Variants in PODXL2 observed in about 807,000 individuals in gnomAD.
The protein encoded by PODXL2 is podocalyxin like 2, also known as podocalyxin-like protein 2.
PODXL2 carries 17 observed loss-of-function variants against 53.4 expected under a neutral mutation model. The observed-to-expected ratio is 0.32, with a 90% CI of 0.22 to 0.48. PODXL2 has a LOEUF of 0.48. Among genes scored for constraint, PODXL2 ranks in the 20% least tolerant of loss-of-function variants. The pLI is 0.99. For synonymous variants in PODXL2, 311 were observed against 306.7 expected, an observed-to-expected ratio of 1.01 and a Z score of -0.15; for missense variants, 673 against 760.0, an observed-to-expected ratio of 0.89 and a Z score of 1.35.
intron 2 of PODXL2, among the ~76,000 whole-genome samples, chr3:127,640,830 A>G (rs1018984325): frequency 2.0e-5 from 3 of 152,246 alleles, no homozygotes; most frequent in African/African-American, 7.2e-5. Context: ...TCATAGGGAC[A>G]TTTTGTTTTC....
intron 2 of PODXL2, among the ~76,000 whole-genome samples, chr3:127,642,509 C>G (rs1288204097): frequency 9.9e-5 from 15 of 151,766 alleles, no homozygotes; most frequent in Non-Finnish European, 5.9e-5. Context: ...CACAGTGAGA[C>G]CAGGGAAGGG....
chr3:127,642,906 C>T (rs1193661616), intron 2 of PODXL2, among the ~76,000 whole-genome samples: 3 of 152,178 alleles, frequency 2.0e-5, no homozygotes, highest in Non-Finnish European at 4.4e-5. Context: ...AGTTTCCCAT[C>T]TAGGAAATGG....
Position 127,653,786 on chromosome 3 carries a change from A to T in PODXL2, c.350-6592A>T, listed in dbSNP as rs115089912. Among the ~76,000 whole-genome samples the T allele has an allele frequency of 1.6e-3, 239 of 152,328 alleles. 1 individual carries two copies. The highest frequency in any genetic ancestry group is 5.3e-3 in the African/African-American group (221 of 41,578). ...CACCCCTTGCTCGGACTCCCCCATTATTAACACTTTGCCGCAGTTGCTGTA... is the reference window on the plus strand; with the variant it reads ...CACCCCTTGCTCGGACTCCCCCATTTTTAACACTTTGCCGCAGTTGCTGTA... On this transcript the variant is annotated intron_variant, in intron 2 of 7. Transcript: ENST00000342480.
rs2074836860 is a variant in PODXL2 at position 127,671,454 on chromosome 3, C to A, written c.1446C>A (p.Ser482=). The change falls in exon 7 of 8, where the codon TCC becomes TCA. Residue 482 remains serine (S), a synonymous_variant. Transcript: ENST00000342480. ...SLEEIGIQNY[S]TTSSCQARAS... is the part of the protein sequence containing the mutation. ...CCTAGATTGGCATCCAGAACTATTC[C>A]ACAACCAGCAGCTGCCAGGCGCGGG... 3.1e-6 allele frequency: 5 copies of A among 1,614,052 alleles called. No homozygotes were observed. Among genetic ancestry groups the A allele is most frequent in the Admixed American group, 1.7e-5 (1 of 60,020 alleles).
At chr3:127,639,804 T>C (rs976270046) in intron 2 of PODXL2, among the ~76,000 whole-genome samples, 15 of 152,220 alleles carry the variant, frequency 9.9e-5, no homozygotes, top group African/African-American at 3.4e-4. Context: ...ATAAGTAATA[T>C]GACCCCCCTT....
intron 2 of PODXL2, among the ~76,000 whole-genome samples, chr3:127,649,811 C>G (rs990166521): frequency 2.2e-4 from 34 of 152,136 alleles, no homozygotes; most frequent in African/African-American, 2.4e-5. Flanking sequence ...GTGGTGGGTG[C>G]CTGTAATCCC....
chr3:127,668,011 G>A (rs566412997), intron 4 of PODXL2, among the ~76,000 whole-genome samples: 1 of 152,134 alleles, frequency 6.6e-6, no homozygotes, highest in Non-Finnish European at 1.5e-5. Flanking sequence ...CCAGCACCAT[G>A]CACTTGAGCA....
chr3:127,670,737 C>T (rs1031723450), intron 6 of PODXL2, among the ~76,000 whole-genome samples: 3 of 152,180 alleles, frequency 2.0e-5, no homozygotes, highest in African/African-American at 4.8e-5. Context: ...TGGTGGTGCT[C>T]GCCCTCCTGC....
intron 1 of PODXL2, among the ~76,000 whole-genome samples, chr3:127,630,429 AGT>A (rs2074536451): frequency 6.6e-6 from 1 of 152,096 alleles, no homozygotes; most frequent in South Asian, 2.1e-4. Flanking sequence ...TGCATGTAGG[AGT>A]GTGTATGTGC....
At chr3:127,649,807 G>T (rs1271021295) in intron 2 of PODXL2, among the ~76,000 whole-genome samples, 1 of 152,110 alleles carries the variant, frequency 6.6e-6, no homozygotes, top group South Asian at 2.1e-4. Flanking sequence ...TGTGGTGGTG[G>T]GTGCCTGTAA....
Position 127,672,260 on chromosome 3 carries a change from C to G in PODXL2, c.1606-8C>G, listed in dbSNP as rs2074852586. 1 of 1,541,602 alleles carries G rather than the reference C, an allele frequency of 6.5e-7. No individual in the cohort carries two copies. The highest frequency in any genetic ancestry group is 1.4e-5 in the African/African-American group (1 of 73,136). ...GCTCGCCCATGGCCTCTCCCCACCC[C>G]GCCTCAGTCGCACGGCGAGGAGCTG... On this transcript the variant is annotated splice_polypyrimidine_tract_variant and splice_region_variant and intron_variant, in intron 7 of 7. Coordinates refer to ENST00000342480, the MANE Select transcript of PODXL2 (RefSeq NM_015720.4).
intron 2 of PODXL2, among the ~76,000 whole-genome samples, chr3:127,656,941 C>T (rs763119079): frequency 1.1e-4 from 17 of 148,676 alleles, no homozygotes; most frequent in Middle Eastern, 3.3e-3. Flanking sequence ...CTTGGGAGGC[C>T]GAGGTGGGAG....
intron 4 of PODXL2, among the ~76,000 whole-genome samples, chr3:127,664,904 C>T (rs2074787297): frequency 6.6e-6 from 1 of 152,078 alleles, no homozygotes; most frequent in African/African-American, 2.4e-5. Context: ...TTATTAGTTT[C>T]TTTGCCAGAT....
chr3:127,670,745 T>G (rs554336749), intron 6 of PODXL2, among the ~76,000 whole-genome samples: 1 of 152,340 alleles, frequency 6.6e-6, no homozygotes, highest in Admixed American at 6.5e-5. Context: ...CTCGCCCTCC[T>G]GCTTCTCTCT....
chr3:127,668,594 C>A lies in PODXL2; in HGVS notation c.1360C>A (p.Gln454Lys). 1 of 1,530,144 alleles carries A rather than the reference C, an allele frequency of 6.5e-7. No individual in the cohort carries two copies. The allele number at this position is 1,530,144 out of a possible 1,614,324, so 94.8% of individuals were successfully genotyped here. A position where few individuals can be genotyped will look rare whatever the true frequency, so the allele number is the denominator to read the frequency against. Residue 454 changes from glutamine (Q) to lysine (K), a missense_variant, in exon 5 of 8, where the codon CAG becomes AAG. Transcript: ENST00000342480. ...QHLLMTLVGE[Q>K]GVVPTQDVLS... ...CCTTCTCATGACACTGGTGGGCGAG[C>A]AGGGTGAGCGAGGGCAGGTGATGGG...
intron 2 of PODXL2, among the ~76,000 whole-genome samples, chr3:127,657,107 T>C (rs941561812): frequency 2.0e-5 from 3 of 152,160 alleles, no homozygotes; most frequent in African/African-American, 7.2e-5. Context: ...GCAGATAAGT[T>C]AGTGGCTGAG....
At chr3:127,639,921 G>A (rs2074604077) in intron 2 of PODXL2, among the ~76,000 whole-genome samples, 1 of 152,200 alleles carries the variant, frequency 6.6e-6, no homozygotes, top group Non-Finnish European at 1.5e-5. Flanking sequence ...AAGCCCTGGG[G>A]CTCATTGTTT....
At chr3:127,654,177 C>G (rs2074707093) in intron 2 of PODXL2, among the ~76,000 whole-genome samples, 1 of 152,178 alleles carries the variant, frequency 6.6e-6, no homozygotes, top group Admixed American at 6.5e-5. Flanking sequence ...ACCCTCTAAT[C>G]TTTCTTTGTC....
rs1054160821 is a variant in PODXL2 at position 127,672,207 on chromosome 3, G to A, written c.1606-61G>A. The A allele has an allele frequency of 3.4e-4, 478 of 1,423,432 alleles. 2 individuals are homozygous for A. Among genetic ancestry groups the A allele is most frequent in the Middle Eastern group, 1.4e-3 (6 of 4,324 alleles). 88.2% of individuals were successfully genotyped at this position (1,423,432 alleles called of 1,614,324 possible). A position where few individuals can be genotyped will look rare whatever the true frequency, so the allele number is the denominator to read the frequency against. On this transcript the variant is annotated intron_variant, in intron 7 of 7. Coordinates refer to ENST00000342480, the MANE Select transcript of PODXL2 (RefSeq NM_015720.4). The stretch of plus-strand genomic sequence containing the variant: ...TGGGTGGGGTTGCACAGACGGCCGC[G>A]GGCCTGGCGCTGTCCGGGGGCTGGC...
Sources: gnomAD v4.1 joint callset for allele counts (sites outside exome capture counted in the v4.1 genomes callset) on GRCh38, gnomAD v4.1.1 for gene constraint, MANE v1.5 for transcripts, NCBI Gene and HGNC (gene_info 2026-07-23, HGNC 2026-07-21) for gene names.